DISC1: variants seen among roughly 807,000 people sequenced by gnomAD.
DISC1 encodes the protein DISC1 scaffold protein.
DISC1 carries 57 observed loss-of-function variants against 84.5 expected under a neutral mutation model. That is an observed-to-expected ratio of 0.67 (90% CI 0.55 to 0.84). The LOEUF (loss-of-function observed/expected upper bound fraction) is 0.84. Ranked by LOEUF, DISC1 falls within the 40% of genes least tolerant of loss-of-function variation. DISC1 has a pLI of 0.00. For synonymous variants in DISC1, 411 were observed against 415.2 expected (o/e 0.99, Z 0.12); for missense variants, 1,000 against 1,057.8 (o/e 0.95, Z 0.76).
At chr1:231,720,405 C>T (rs2069489722) in intron 3 of DISC1, among the ~76,000 whole-genome samples, 1 of 152,108 alleles carries the variant, frequency 6.6e-6, no homozygotes, top group South Asian at 2.1e-4. Flanking sequence ...GTGGCATGAT[C>T]ATAGCTCACT....
At chr1:231,736,725 T>C (rs1325499613) in intron 3 of DISC1, among the ~76,000 whole-genome samples, 3 of 152,212 alleles carry the variant, frequency 2.0e-5, no homozygotes, top group Non-Finnish European at 4.4e-5. Context: ...AATATTCAGC[T>C]CTCAGTGAAT....
At chr1:231,711,357 CTT>C (rs57262026) in intron 3 of DISC1, among the ~76,000 whole-genome samples, 19 of 111,270 alleles carry the variant, frequency 1.7e-4, no homozygotes, top group African/African-American at 3.5e-4. Context: ...GGACATATTT[CTT>C]TTTTTTTTTT....
chr1:231,981,169 C>G (rs1265053306), intron 10 of DISC1, among the ~76,000 whole-genome samples: 4 of 152,236 alleles, frequency 2.6e-5, no homozygotes, highest in East Asian at 1.9e-4. Context: ...GCCTTGAACT[C>G]CTGAGCTAAA....
intron 9 of DISC1, among the ~76,000 whole-genome samples, chr1:231,952,089 T>TAAA (rs1225509404): frequency 4.0e-5 from 1 of 25,176 alleles, no homozygotes; most frequent in African/African-American, 1.7e-4. Flanking sequence ...TCTCAATGTC[T>TAAA]CAAAAAAAAA....
intron 9 of DISC1, among the ~76,000 whole-genome samples, chr1:231,848,498 C>A (rs780776029): frequency 6.6e-6 from 1 of 152,156 alleles, no homozygotes; most frequent in African/African-American, 2.4e-5. Context: ...TCAGGAGGTC[C>A]TGGGTAGCCT....
chr1:231,692,096 G>A (rs908017558), intron 1 of DISC1, among the ~76,000 whole-genome samples: 1 of 152,174 alleles, frequency 6.6e-6, no homozygotes, highest in African/African-American at 2.4e-5. Flanking sequence ...GTTCAAATCC[G>A]GGCTTTGGGA....
chr1:231,886,770 T>TTC (rs1558691912), intron 9 of DISC1, among the ~76,000 whole-genome samples: 905 of 37,966 alleles, frequency 0.024, 2 homozygotes, highest in Middle Eastern at 0.036. Flanking sequence ...TTCCTTCCTT[T>TTC]CTTTCTTTCT....
Position 231,680,088 on chromosome 1 carries a change from C to T in DISC1, c.68-13738C>T, listed in dbSNP as rs2063540342. ...ACTAAAAATACAGAAGTTAGCCGGG[C>T]ATGGTGGTGCATGCCTGTAATCCCA... On this transcript the variant is annotated intron_variant, in intron 1 of 12. Coordinates refer to ENST00000439617, the MANE Select transcript of DISC1 (RefSeq NM_018662.3). 2.0e-5 allele frequency among the ~76,000 whole-genome samples: 3 copies of T among 152,114 alleles called. No individual in the cohort carries two copies. The South Asian group carries it at 6.2e-4, about 32-fold the overall frequency.
At chr1:231,911,380 A>G (rs1275462977) in intron 9 of DISC1, among the ~76,000 whole-genome samples, 2 of 152,148 alleles carry the variant, frequency 1.3e-5, no homozygotes, top group African/African-American at 4.8e-5. Flanking sequence ...GGTGGTGACA[A>G]AATCTCTCAG....
intron 8 of DISC1, among the ~76,000 whole-genome samples, chr1:231,808,175 C>T (rs566543682): frequency 2.0e-4 from 31 of 152,312 alleles, no homozygotes; most frequent in East Asian, 1.4e-3. Context: ...CAAATTCCTT[C>T]GGTCAGAATC....
At chr1:231,890,493 A>G (rs916526256) in intron 9 of DISC1, among the ~76,000 whole-genome samples, 1 of 152,182 alleles carries the variant, frequency 6.6e-6, no homozygotes, top group African/African-American at 2.4e-5. Context: ...GACACTATAT[A>G]TGATTTAACT....
At chr1:231,973,055 T>C (rs1453299386) in intron 10 of DISC1, among the ~76,000 whole-genome samples, 1 of 151,490 alleles carries the variant, frequency 6.6e-6, no homozygotes. Flanking sequence ...GTTCTTTTTT[T>C]TTTTTTTTTG....
chr1:231,864,957 T>C (rs1290514242), intron 9 of DISC1, among the ~76,000 whole-genome samples: 1 of 152,202 alleles, frequency 6.6e-6, no homozygotes, highest in Non-Finnish European at 1.5e-5. Flanking sequence ...TGAAAGTTTC[T>C]CAGTTATGTA....
chr1:231,882,914 G>A (rs2086398922), intron 9 of DISC1, among the ~76,000 whole-genome samples: 1 of 151,956 alleles, frequency 6.6e-6, no homozygotes, highest in Admixed American at 6.6e-5. Flanking sequence ...CTGGGCACCT[G>A]GTTGTTGGTA....
chr1:231,775,786 T>A (rs1157514962), intron 6 of DISC1, among the ~76,000 whole-genome samples: 1 of 152,144 alleles, frequency 6.6e-6, no homozygotes, highest in African/African-American at 2.4e-5. Flanking sequence ...CTCCTGCAAG[T>A]CTTCCTTTGA....
intron 6 of DISC1, among the ~76,000 whole-genome samples, chr1:231,779,565 T>TTG (rs2077225629): frequency 7.2e-6 from 1 of 139,754 alleles, no homozygotes; most frequent in African/African-American, 2.7e-5. Context: ...TTTTTTTTTT[T>TTG]TTTTTTTTTT....
At chr1:231,718,064 G>A (rs1027517384) in intron 3 of DISC1, among the ~76,000 whole-genome samples, 4 of 152,042 alleles carry the variant, frequency 2.6e-5, no homozygotes, top group Admixed American at 1.3e-4. Context: ...GCTCTCCCGG[G>A]ACATGAGCCA....
At chr1:231,985,676 G>A (rs115062451) in intron 10 of DISC1, among the ~76,000 whole-genome samples, 74 of 152,302 alleles carry the variant, frequency 4.9e-4, no homozygotes, top group Admixed American at 8.5e-4. Context: ...ATGAATATCT[G>A]TTATGTCTGT....
chr1:231,951,912 A>T (rs181501927), intron 9 of DISC1, among the ~76,000 whole-genome samples: 774 of 149,526 alleles, frequency 5.2e-3, no homozygotes, highest in Middle Eastern at 0.021. Context: ...CAAAAAAATT[A>T]AAAAAAAAAT....
Sources: allele counts gnomAD v4.1 joint callset (sites outside exome capture counted in the v4.1 genomes callset), GRCh38; gene constraint gnomAD v4.1.1; transcripts MANE v1.5; gene names NCBI Gene and HGNC (gene_info 2026-07-23, HGNC 2026-07-21).